Variants in DYNC1I1 observed in about 807,000 individuals in gnomAD.
DYNC1I1 encodes cytoplasmic dynein 1 intermediate chain 1.
Under a neutral mutation model 86.6 loss-of-function variants are expected in DYNC1I1, and 43 were observed. The ratio of observed to expected loss-of-function variants is 0.50; its 90% CI spans 0.39 to 0.64. The LOEUF is 0.64. Ranked by LOEUF, DYNC1I1 falls within the 30% of genes least tolerant of loss-of-function variation. The pLI is 0.00. For missense variants in DYNC1I1, 604 were observed against 788.8 expected, an observed-to-expected ratio of 0.77 and a Z score of 2.81; for synonymous variants, 262 against 283.7, an observed-to-expected ratio of 0.92 and a Z score of 0.77.
intron 5 of DYNC1I1, among the ~76,000 whole-genome samples, chr7:95,861,922 C>G (rs1010290517): frequency 1.3e-5 from 2 of 152,116 alleles, no homozygotes; most frequent in African/African-American, 4.8e-5. Context: ...ATGACAGAAG[C>G]CTTTCTCTTT....
In DYNC1I1 at chr7:95,931,327, T is replaced by A. The variant is rs531963632; in HGVS notation, c.491-46185T>A. 6.6e-5 allele frequency among the ~76,000 whole-genome samples: 10 copies of A among 152,198 alleles called. No individual in the cohort carries two copies. In the East Asian group the frequency reaches 1.9e-3, roughly 29 times the overall value. On this transcript the variant is annotated intron_variant, in intron 6 of 16. Coordinates refer to ENST00000447467, the MANE Select transcript of DYNC1I1 (RefSeq NM_001135556.2). ...ACCACACCCAGCTAACTTTTGCATTTTTTGTAGAGATGGGGTTTCGCCATG... is the reference window on the plus strand; with the variant it reads ...ACCACACCCAGCTAACTTTTGCATTATTTGTAGAGATGGGGTTTCGCCATG...
intron 1 of DYNC1I1, among the ~76,000 whole-genome samples, chr7:95,799,089 A>G (rs1794514990): frequency 6.6e-6 from 1 of 151,816 alleles, no homozygotes; most frequent in African/African-American, 2.4e-5. Context: ...TTTTTCCTCT[A>G]TTGAAACTGA....
Position 95,996,650 on chromosome 7 carries a change from G to A in DYNC1I1, c.969+577G>A, listed in dbSNP as rs558438107. 3.9e-5 allele frequency among the ~76,000 whole-genome samples: 6 copies of A among 152,222 alleles called. No individual in the cohort carries two copies. The East Asian group carries it at 5.8e-4, about 15-fold the overall frequency. On this transcript the variant is annotated intron_variant, in intron 10 of 16. Transcript: ENST00000447467. ...TGTATTTTTCATTCCTTCTCTCTGC[G>A]GACACGTCTTCTCTTCCCCTTGACA...
At chr7:96,050,197 T>G (rs1789360584) in intron 14 of DYNC1I1, among the ~76,000 whole-genome samples, 3 of 151,964 alleles carry the variant, frequency 2.0e-5, no homozygotes, top group Admixed American at 6.6e-5. Context: ...AAAAAGGAAG[T>G]CTGTATTCGA....
At position 96,081,079 on chromosome 7, in the gene DYNC1I1, A is replaced by AAAAAAAAAAAAAAG. The variant is rs375715304; in HGVS notation, c.1776+595_1776+596insAAAAAAAAAGAAAA. On this transcript the variant is annotated intron_variant, in intron 16 of 16. Coordinates refer to ENST00000447467, the MANE Select transcript of DYNC1I1 (RefSeq NM_001135556.2). ...AGAGACTCCATCTCAAAAAAAAAAG[A>AAAAAAAAAAAAAAG]AAAAGAAAAGAAAAGAAAAGTTTGC... Among the ~76,000 whole-genome samples the AAAAAAAAAAAAAAG allele has an allele frequency of 4.3e-4, 57 of 133,666 alleles. 1 individual carries two copies. The highest frequency in any genetic ancestry group is 1.0e-3 in the African/African-American group (34 of 33,602). 87.7% of individuals were successfully genotyped at this position (133,666 alleles called of 152,430 possible).
chr7:95,800,573 G>T (rs1348155403), intron 1 of DYNC1I1, among the ~76,000 whole-genome samples: 1 of 152,186 alleles, frequency 6.6e-6, no homozygotes, highest in East Asian at 1.9e-4. Flanking sequence ...CAGTGGATGG[G>T]GCTGGGGAGA....
intron 5 of DYNC1I1, 34 bp downstream of exon 5, chr7:95,828,150 A>G (rs1795243345): frequency 6.2e-7 from 1 of 1,610,878 alleles, no homozygotes; most frequent in Non-Finnish European, 8.5e-7. Context: ...TCCTTTTATT[A>G]TTTCTTTGCT....
chr7:96,026,622 C>T (rs1369144006), intron 10 of DYNC1I1, among the ~76,000 whole-genome samples: 2 of 152,136 alleles, frequency 1.3e-5, no homozygotes, highest in South Asian at 4.1e-4. Context: ...TTCTTCCATG[C>T]AATCCCCTTC....
rs527947897 is a variant in DYNC1I1, at chr7:96,096,557, T to TATCTTGCAA, written c.1777-924_1777-923insCTTGCAAAT. ...TTTTCTATCCCAGATACTTGCATTA[T>TATCTTGCAA]ATTTTTAAGCAATTTATTTTTGGAT... is the stretch of plus-strand genomic sequence containing the variant. On this transcript the variant is annotated intron_variant, in intron 16 of 16. Coordinates refer to ENST00000447467, the MANE Select transcript of DYNC1I1 (RefSeq NM_001135556.2). 1.1e-3 allele frequency among the ~76,000 whole-genome samples: 162 copies of TATCTTGCAA among 152,294 alleles called. 1 individual carries two copies. Among genetic ancestry groups the TATCTTGCAA allele is most frequent in the Middle Eastern group, 3.4e-3 (1 of 294 alleles).
intron 10 of DYNC1I1, among the ~76,000 whole-genome samples, chr7:96,018,505 A>C (rs1794455538): frequency 6.6e-6 from 1 of 152,166 alleles, no homozygotes; most frequent in African/African-American, 2.4e-5. Flanking sequence ...CTGCACAAAA[A>C]TTTTGGAATG....
chr7:95,959,118 C>A (rs908205442), intron 6 of DYNC1I1, among the ~76,000 whole-genome samples: 7 of 152,032 alleles, frequency 4.6e-5, no homozygotes, highest in African/African-American at 1.7e-4. Context: ...CAGTGGGTAC[C>A]AAGGCTCAGA....
At chr7:96,020,954 GTC>G (rs1794533507) in intron 10 of DYNC1I1, among the ~76,000 whole-genome samples, 1 of 152,046 alleles carries the variant, frequency 6.6e-6, no homozygotes, top group African/African-American at 2.4e-5. Flanking sequence ...AATTTGTAGA[GTC>G]AGAAAGTAGA....
At chr7:95,908,869 T>C (rs1743124295) in intron 6 of DYNC1I1, among the ~76,000 whole-genome samples, 1 of 152,052 alleles carries the variant, frequency 6.6e-6, no homozygotes, top group Admixed American at 6.6e-5. Context: ...TTAAATGTGA[T>C]CTTGGCCTGT....
At chr7:95,831,235 A>T (rs1788892328) in intron 5 of DYNC1I1, among the ~76,000 whole-genome samples, 1 of 152,328 alleles carries the variant, frequency 6.6e-6, no homozygotes, top group African/African-American at 2.4e-5. Flanking sequence ...GACTAATTAC[A>T]GTTTACAAAT....
chr7:95,946,253 A>G (rs1792397537), intron 6 of DYNC1I1, among the ~76,000 whole-genome samples: 1 of 152,036 alleles, frequency 6.6e-6, no homozygotes, highest in Non-Finnish European at 1.5e-5. Flanking sequence ...CCGTGACACG[A>G]TTACCTATGT....
chr7:95,811,598 A>G (rs1279642243), intron 3 of DYNC1I1, among the ~76,000 whole-genome samples: 2 of 152,164 alleles, frequency 1.3e-5, no homozygotes, highest in African/African-American at 4.8e-5. Context: ...CTAAAACACT[A>G]TTAAAAATCA....
At chr7:96,003,106 A>G (rs1343703387) in intron 10 of DYNC1I1, among the ~76,000 whole-genome samples, 1 of 152,112 alleles carries the variant, frequency 6.6e-6, no homozygotes, top group Non-Finnish European at 1.5e-5. Flanking sequence ...GCCTTCCAAA[A>G]TGCTGGGATT....
intron 16 of DYNC1I1, among the ~76,000 whole-genome samples, chr7:96,108,989 G>A (rs569575652): frequency 2.6e-5 from 4 of 151,538 alleles, no homozygotes; most frequent in Non-Finnish European, 4.4e-5. Context: ...CATCCATGTT[G>A]TTTCATTTAT....
intron 6 of DYNC1I1, among the ~76,000 whole-genome samples, chr7:95,886,365 C>T (rs375042768): frequency 3.3e-5 from 5 of 151,878 alleles, no homozygotes; most frequent in South Asian, 2.1e-4. Context: ...ACTGGGGAGG[C>T]GGAGGTTGCA....
Sources: allele counts gnomAD v4.1 joint callset (sites outside exome capture counted in the v4.1 genomes callset), GRCh38; gene constraint gnomAD v4.1.1; transcripts MANE v1.5; gene names NCBI Gene and HGNC (gene_info 2026-07-23, HGNC 2026-07-21).